The following PCDHGB2 variants were observed in gnomAD, a reference collection of about 807,000 sequenced individuals.
The protein encoded by PCDHGB2 is protocadherin gamma-B2.
PCDHGB2 carries 55 observed loss-of-function variants against 59.3 expected under a neutral mutation model. That is an observed-to-expected ratio of 0.93 (90% CI 0.75 to 1.16). PCDHGB2 has a LOEUF of 1.16. Ranked by LOEUF, PCDHGB2 falls within the 50% of genes most tolerant of loss-of-function variation. The pLI is 0.00. For missense variants in PCDHGB2, 1,228 were observed against 1,198.5 expected (o/e 1.02, Z -0.36); for synonymous variants, 516 against 512.0 (o/e 1.01, Z -0.11).
Position 141,490,480 on chromosome 5 carries a change from C to G in PCDHGB2, c.2422-4327C>G. On this transcript the variant is annotated intron_variant, in intron 1 of 3. Coordinates refer to ENST00000522605, the MANE Select transcript of PCDHGB2 (RefSeq NM_018923.3). This position sits in a 1 kb window ranked among gnomAD's most constrained non-coding sequence, Gnocchi z 5.4. The stretch of plus-strand genomic sequence containing the variant: ...GCTGCTAACCAGCCAGCCTTTGGAC[C>G]GGGAGGCCACATCCCACTATATCAT... 2.5e-6 allele frequency: 4 copies of G among 1,614,194 alleles called. No homozygotes were observed. The highest frequency in any genetic ancestry group is 3.4e-6 in the Non-Finnish European group (4 of 1,180,050).
At chr5:141,421,889 C>T (rs1280668349) in intron 1 of PCDHGB2, 5 of 1,613,574 alleles carry the variant, frequency 3.1e-6, no homozygotes, top group African/African-American at 1.3e-5. Flanking sequence ...GGAGGCGATC[C>T]CATCCGAAAG....
chr5:141,389,456 C>T, intron 1 of PCDHGB2: 1 of 1,613,332 alleles, frequency 6.2e-7, no homozygotes, highest in South Asian at 1.1e-5. Context: ...AGCAGCTGCG[C>T]GCCTTCGAAC....
At position 141,512,133 on chromosome 5, in the gene PCDHGB2, G is replaced by C. The variant is rs1394116556; in HGVS notation, c.*960G>C. 1 of 152,708 alleles carries C rather than the reference G, an allele frequency of 6.5e-6. No homozygotes were observed. Among genetic ancestry groups the C allele is most frequent in the Non-Finnish European group, 1.5e-5 (1 of 68,102 alleles). The allele number at this position is 152,708 out of a possible 1,614,324, so 9.5% of individuals were successfully genotyped here. On this transcript the variant is annotated 3_prime_UTR_variant, in exon 4 of 4. Transcript: ENST00000522605. ...CCACTACATAATAGGGCTCAGCCCA[G>C]GCAGCCAGCTTTGGGCTGAGCTAAC...
intron 2 of PCDHGB2, among the ~76,000 whole-genome samples, chr5:141,504,689 G>A (rs1395389800): frequency 6.6e-6 from 1 of 151,502 alleles, no homozygotes; most frequent in South Asian, 2.1e-4. Context: ...TAAAATAGGA[G>A]GGGCAGGTTC....
Position 141,432,970 on chromosome 5 carries a change from G to C in PCDHGB2, c.2422-61837G>C, listed in dbSNP as rs371130763. On this transcript the variant is annotated intron_variant, in intron 1 of 3. Transcript: ENST00000522605. This position sits in a 1 kb window ranked among gnomAD's most constrained non-coding sequence, Gnocchi z 6.0. ...GAGGCGGCTTGACAGGAGCGCCGGC[G>C]TCGCACTTTGTGGGCGTGGACGGGG... is the stretch of plus-strand genomic sequence containing the variant. 25 of 1,614,114 alleles carry C rather than the reference G, an allele frequency of 1.5e-5. No individual in the cohort carries two copies. Among genetic ancestry groups the C allele is most frequent in the African/African-American group, 1.1e-4 (8 of 75,054 alleles).
At chr5:141,478,068 A>T (rs560968418) in intron 1 of PCDHGB2, 1 of 1,614,134 alleles carries the variant, frequency 6.2e-7, no homozygotes, top group East Asian at 2.2e-5. Flanking sequence ...ATCAAAGACA[A>T]TGGGGAGCCT....
chr5:141,366,550 T>C (rs780049739), intron 1 of PCDHGB2: 5 of 1,614,136 alleles, frequency 3.1e-6, no homozygotes, highest in African/African-American at 2.7e-5. Flanking sequence ...CCTCGCACTT[T>C]GTGGGCGTGG....
intron 1 of PCDHGB2, chr5:141,366,048 C>A (rs777611384): frequency 1.2e-6 from 2 of 1,614,144 alleles, no homozygotes; most frequent in Non-Finnish European, 1.7e-6. Flanking sequence ...GACGGTTCCA[C>A]GGGCGTGGAG....
rs777634460 is a variant in PCDHGB2 at position 141,375,881 on chromosome 5, C to T, written c.2421+13325C>T. 4 of 1,613,818 alleles carry T rather than the reference C, an allele frequency of 2.5e-6. No individual in the cohort carries two copies. The South Asian group carries it at 4.4e-5, about 18-fold the overall frequency. ...GGTGGCGGTGGACAGAGACTCGGGC[C>T]AGAACGCCTGGCTGTCCTACCGCCT... On this transcript the variant is annotated intron_variant, in intron 1 of 3. Coordinates refer to ENST00000522605, the MANE Select transcript of PCDHGB2 (RefSeq NM_018923.3).
At position 141,394,450 on chromosome 5, in the gene PCDHGB2, T is replaced by A. The variant is rs188283892; in HGVS notation, c.2421+31894T>A. Reference sequence around the variant, plus strand: ...GGGGACCCGCCCCTCAGCAGCAACATGTCACTGAGCCTGTTCGTGCTGGAC... The same window carrying A: ...GGGGACCCGCCCCTCAGCAGCAACAAGTCACTGAGCCTGTTCGTGCTGGAC... On this transcript the variant is annotated intron_variant, in intron 1 of 3. Transcript: ENST00000522605. 92 of 1,614,228 alleles carry A rather than the reference T, an allele frequency of 5.7e-5. No individual in the cohort carries two copies. The East Asian group carries it at 1.9e-3, about 34-fold the overall frequency.
At chr5:141,419,974 C>T (rs368697962) in intron 1 of PCDHGB2, 3 of 1,613,962 alleles carry the variant, frequency 1.9e-6, no homozygotes, top group Non-Finnish European at 2.5e-6. Context: ...TCTTTCTCCT[C>T]GCGGTGATTC....
intron 1 of PCDHGB2, among the ~76,000 whole-genome samples, chr5:141,449,440 C>T (rs2098639026): frequency 6.6e-6 from 1 of 151,742 alleles, no homozygotes; most frequent in Admixed American, 6.6e-5. Flanking sequence ...AACTCCATCT[C>T]TACTAAAAAT....
At chr5:141,458,509 CTTTG>C (rs1327998402) in intron 1 of PCDHGB2, among the ~76,000 whole-genome samples, 2 of 149,986 alleles carry the variant, frequency 1.3e-5, no homozygotes. Context: ...CTGTTTGACA[CTTTG>C]TTTTTTTTTT....
intron 1 of PCDHGB2, among the ~76,000 whole-genome samples, chr5:141,439,251 A>G (rs1467023466): frequency 6.6e-6 from 1 of 152,112 alleles, no homozygotes; most frequent in Non-Finnish European, 1.5e-5. Context: ...ATTTCAGCTG[A>G]AGATTCAGCC....
At chr5:141,501,036 T>C (rs893597004) in intron 2 of PCDHGB2, among the ~76,000 whole-genome samples, 4 of 151,702 alleles carry the variant, frequency 2.6e-5, no homozygotes, top group Non-Finnish European at 4.4e-5. Flanking sequence ...GCCCAGCTAA[T>C]TTTTGTATTT....
chr5:141,508,077 G>T (rs1166570509), intron 3 of PCDHGB2: 1 of 152,446 alleles, frequency 6.6e-6, no homozygotes, highest in Non-Finnish European at 1.5e-5. Context: ...GGCTACTCTG[G>T]AGTTGCTGCC....
chr5:141,374,554 C>G (rs1412584015), intron 1 of PCDHGB2: 1 of 1,613,560 alleles, frequency 6.2e-7, no homozygotes, highest in African/African-American at 1.3e-5. Flanking sequence ...TAATGGAGGT[C>G]TATGACCCTG....
chr5:141,400,292 G>T, intron 1 of PCDHGB2: 1 of 1,614,078 alleles, frequency 6.2e-7, no homozygotes, highest in South Asian at 1.1e-5. Flanking sequence ...GCCTGGAGCT[G>T]CTTCCAACCT....
At chr5:141,407,563 A>T (rs1483622352) in intron 1 of PCDHGB2, among the ~76,000 whole-genome samples, 1 of 152,032 alleles carries the variant, frequency 6.6e-6, no homozygotes, top group Non-Finnish European at 1.5e-5. Context: ...ACATAAGCTG[A>T]AAGATAAAAT....
Sources: gnomAD v4.1 joint callset for allele counts (sites outside exome capture counted in the v4.1 genomes callset) on GRCh38, gnomAD v4.1.1 for gene constraint, Gnocchi (gnomAD v3.1) non-coding constraint, MANE v1.5 for transcripts, NCBI Gene and HGNC (gene_info 2026-07-23, HGNC 2026-07-21) for gene names.